ARFGEF1: variants seen among roughly 807,000 people sequenced by gnomAD.
The protein encoded by ARFGEF1 is ARF guanine nucleotide exchange factor 1, also known as brefeldin A-inhibited guanine nucleotide-exchange protein 1.
In ARFGEF1, 42 loss-of-function variants were observed where a neutral mutation model predicts 231.0. The observed-to-expected ratio is 0.18, with a 90% CI of 0.14 to 0.24. The LOEUF (loss-of-function observed/expected upper bound fraction) is 0.24. Among genes scored for constraint, ARFGEF1 ranks in the 10% least tolerant of loss-of-function variants. The probability of loss-of-function intolerance (pLI) is 1.00; values close to 1 mark genes in which losing one functional copy is unlikely to be tolerated. For missense variants in ARFGEF1, 1,345 were observed against 2,192.0 expected (o/e 0.61, Z 7.72); for synonymous variants, 710 against 732.3 (o/e 0.97, Z 0.49).
chr8:67,256,938 T>C (rs1471829922), intron 17 of ARFGEF1, among the ~76,000 whole-genome samples: 1 of 152,200 alleles, frequency 6.6e-6, no homozygotes, highest in African/African-American at 2.4e-5. Context: ...AATGGTATGA[T>C]ATCTGAGATC....
intron 4 of ARFGEF1, among the ~76,000 whole-genome samples, chr8:67,298,551 A>G (rs900180719): frequency 2.0e-5 from 3 of 152,338 alleles, no homozygotes; most frequent in Admixed American, 6.5e-5. Flanking sequence ...TAGAGGGGTC[A>G]CAGCTTTAAG....
chr8:67,311,679 C>T (rs979352272), intron 1 of ARFGEF1, among the ~76,000 whole-genome samples: 1 of 152,140 alleles, frequency 6.6e-6, no homozygotes, highest in African/African-American at 2.4e-5. Context: ...TCTGCCCGGC[C>T]GCCCCTACTG....
intron 1 of ARFGEF1, among the ~76,000 whole-genome samples, chr8:67,305,954 C>T (rs1430145001): frequency 3.3e-5 from 5 of 152,078 alleles, no homozygotes; most frequent in Non-Finnish European, 4.4e-5. Context: ...GTTTGAAGTT[C>T]GACAGCAAAA....
chr8:67,220,075 G>C (rs765201076), intron 29 of ARFGEF1, among the ~76,000 whole-genome samples: 4 of 152,202 alleles, frequency 2.6e-5, no homozygotes, highest in Non-Finnish European at 5.9e-5. Context: ...CATGAGGGGA[G>C]GGGTCTGTGT....
In ARFGEF1 at chr8:67,291,937, G is replaced by C. The variant is rs1306088929; in HGVS notation, c.826C>G (p.Leu276Val). ...TTTTCAGGCTCTGTGTCATCCTGAA[G>C]ACTTTTATCTACATCATTTGTATGG... Reference protein sequence around the residue: ...DLHTNDVDKSLQDDTEPENGS... With the variant: ...DLHTNDVDKSVQDDTEPENGS... The change falls in exon 6 of 39, where the codon CTT becomes GTT. Residue 276 changes from leucine (L) to valine (V), a missense_variant. Leu to Val is a conservative substitution (Grantham distance 32, BLOSUM62 1). Transcript: ENST00000262215. The C allele has an allele frequency of 6.2e-7, 1 of 1,613,760 alleles. No homozygotes were observed. Among genetic ancestry groups the C allele is most frequent in the Non-Finnish European group, 8.5e-7 (1 of 1,179,900 alleles).
intron 8 of ARFGEF1, 93 bp downstream of exon 8, chr8:67,277,189 C>T: frequency 8.0e-7 from 1 of 1,253,298 alleles, no homozygotes; most frequent in Non-Finnish European, 1.1e-6. Context: ...CAGGCAGCAT[C>T]ATCAGCTGAA....
chr8:67,177,007 G>A (rs775221022), intron 5 of ARFGEF1, among the ~76,000 whole-genome samples: 7 of 148,256 alleles, frequency 4.7e-5, no homozygotes, highest in Non-Finnish European at 7.4e-5. Flanking sequence ...GGAGGTGGAG[G>A]TTGCAGAGAG....
intron 29 of ARFGEF1, among the ~76,000 whole-genome samples, chr8:67,220,629 A>C (rs1462438275): frequency 6.6e-6 from 1 of 152,202 alleles, no homozygotes; most frequent in African/African-American, 2.4e-5. Flanking sequence ...ACTCCCGGGA[A>C]AGAAAGTCTT....
At position 67,278,130 on chromosome 8, in the gene ARFGEF1, C is replaced by T. The variant is rs186112552; in HGVS notation, c.1028-673G>A. Among the ~76,000 whole-genome samples, 4 of 152,118 alleles carry T rather than the reference C, an allele frequency of 2.6e-5. No homozygotes were observed. The East Asian group carries it at 5.8e-4, about 22-fold the overall frequency. On this transcript the variant is annotated intron_variant, in intron 7 of 38. Coordinates refer to ENST00000262215, the MANE Select transcript of ARFGEF1 (RefSeq NM_006421.5). ...CAAACAGAGATAATGAAAATAATAC[C>T]AAGTTCCAGAACTAATCTAGGTATA...
intron 1 of ARFGEF1, among the ~76,000 whole-genome samples, chr8:67,307,859 T>C (rs1806822258): frequency 6.6e-6 from 1 of 152,196 alleles, no homozygotes; most frequent in African/African-American, 2.4e-5. Context: ...GATTCATTTA[T>C]AACCAACAAA....
chr8:67,292,234 G>C, intron 5 of ARFGEF1, 111 bp from the exon 6 acceptor site: 1 of 869,862 alleles, frequency 1.1e-6, no homozygotes, highest in South Asian at 1.7e-5. Flanking sequence ...TCTACGCTTG[G>C]AAATTAAAGT....
intron 36 of ARFGEF1, among the ~76,000 whole-genome samples, chr8:67,202,104 G>A (rs888876417): frequency 3.9e-5 from 6 of 152,212 alleles, no homozygotes; most frequent in Admixed American, 3.3e-4. Context: ...GTAAAGGAAA[G>A]AGAATGGCAC....
At chr8:67,193,568 A>T, downstream of ARFGEF1, 1 of 1,613,840 alleles carries the variant, frequency 6.2e-7, no homozygotes, top group Non-Finnish European at 8.5e-7. Flanking sequence ...GAATGCGAAG[A>T]CTGAATGAAT....
rs547279139 is a variant in ARFGEF1 at position 67,256,207 on chromosome 8, G to C, written c.2526+1525C>G. Reference sequence around the variant, plus strand: ...CCGTAGAATAGAAGTCATCATGCTCGATAATAAAAGCCCTGAAGGTGAGCT... The same window carrying C: ...CCGTAGAATAGAAGTCATCATGCTCCATAATAAAAGCCCTGAAGGTGAGCT... On this transcript the variant is annotated intron_variant, in intron 17 of 38. Transcript: ENST00000262215. 3.3e-5 allele frequency among the ~76,000 whole-genome samples: 5 copies of C among 152,240 alleles called. No homozygotes were observed. The East Asian group carries it at 9.7e-4, about 29-fold the overall frequency.
chr8:67,286,348 T>C (rs1168421584), intron 7 of ARFGEF1, among the ~76,000 whole-genome samples: 1 of 152,228 alleles, frequency 6.6e-6, no homozygotes, highest in African/African-American at 2.4e-5. Flanking sequence ...ATGTTTTTCC[T>C]AAGTAAAAAG....
chr8:67,197,721 C>T lies in ARFGEF1; in HGVS notation c.*1213G>A. On this transcript the variant is annotated 3_prime_UTR_variant, in exon 39 of 39. Coordinates refer to ENST00000262215, the MANE Select transcript of ARFGEF1 (RefSeq NM_006421.5). ...GACCTATAACCTGATTAGAATATGC[C>T]AGATGGGAATCAATATTGTACAGAA... 1.0e-6 allele frequency: 1 copy of T among 985,652 alleles called. No homozygotes were observed. Among genetic ancestry groups the T allele is most frequent in the Non-Finnish European group, 1.2e-6 (1 of 829,848 alleles). The allele number at this position is 985,652 out of a possible 1,614,324, so 61.1% of individuals were successfully genotyped here.
chr8:67,253,331 C>T, intron 18 of ARFGEF1, 120 bp downstream of exon 18: 1 of 592,740 alleles, frequency 1.7e-6, no homozygotes, highest in Non-Finnish European at 2.6e-6. Context: ...CTGCTTCAGC[C>T]TCCCTGAGTA....
chr8:67,331,777 T>C (rs997897081), intron 1 of ARFGEF1, among the ~76,000 whole-genome samples: 3 of 151,982 alleles, frequency 2.0e-5, no homozygotes, highest in African/African-American at 4.8e-5. Flanking sequence ...AAAACACTGA[T>C]CAAAACCAAT....
At chr8:67,265,967 G>C (rs1804835052) in intron 14 of ARFGEF1, 39 bp downstream of exon 14, 2 of 1,587,874 alleles carry the variant, frequency 1.3e-6, no homozygotes, top group South Asian at 1.1e-5. Flanking sequence ...CTGGCAGAGA[G>C]ATATTCAATA....
Sources: allele counts gnomAD v4.1 joint callset (sites outside exome capture counted in the v4.1 genomes callset), GRCh38; gene constraint gnomAD v4.1.1; transcripts MANE v1.5; gene names NCBI Gene and HGNC (gene_info 2026-07-23, HGNC 2026-07-21).